Variants in USP28 observed in about 807,000 individuals in gnomAD.
USP28 encodes the protein ubiquitin specific peptidase 28, also known as ubiquitin carboxyl-terminal hydrolase 28.
A neutral mutation model predicts 145.0 loss-of-function variants in USP28; 113 were observed. The ratio of observed to expected loss-of-function variants is 0.78; its 90% CI spans 0.67 to 0.91. The LOEUF is 0.91. Among genes scored for constraint, USP28 ranks in the 40% least tolerant of loss-of-function variants. The probability of loss-of-function intolerance (pLI) is 0.00; values close to 1 mark genes in which losing one functional copy is unlikely to be tolerated. For missense variants in USP28, 1,201 were observed against 1,289.6 expected, an observed-to-expected ratio of 0.93 and a Z score of 1.05; for synonymous variants, 447 against 450.9, an observed-to-expected ratio of 0.99 and a Z score of 0.11.
At chr11:113,817,739 C>G (rs780018967) in exon 13 of USP28, 1 of 1,614,178 alleles carries the variant, frequency 6.2e-7, no homozygotes, top group South Asian at 1.1e-5. Context: ...TTCAGGTGGA[C>G]AGCTTTCTGA....
chr11:113,848,352 T>C (rs1401922061), intron 3 of USP28, among the ~76,000 whole-genome samples: 1 of 152,056 alleles, frequency 6.6e-6, no homozygotes, highest in South Asian at 2.1e-4. Context: ...AAGAGAAAGA[T>C]GATCAACAAT....
intron 5 of USP28, among the ~76,000 whole-genome samples, chr11:113,840,103 A>T (rs1404752774): frequency 6.6e-6 from 1 of 152,208 alleles, no homozygotes; most frequent in African/African-American, 2.4e-5. Flanking sequence ...AAATGGTACT[A>T]TAATCCACCT....
chr11:113,835,153 GGA>G (rs1300272393), intron 5 of USP28: 2 of 410,566 alleles, frequency 4.9e-6, no homozygotes, highest in African/African-American at 4.2e-5. Context: ...TGGTAGAACT[GGA>G]GAGAGGGATT....
intron 3 of USP28, among the ~76,000 whole-genome samples, chr11:113,844,451 GAA>G (rs1018732828): frequency 7.1e-6 from 1 of 141,496 alleles, no homozygotes; most frequent in Non-Finnish European, 1.5e-5. Flanking sequence ...CTTAAAAAAA[GAA>G]AAAAAAAAGA....
intron 1 of USP28, among the ~76,000 whole-genome samples, chr11:113,858,355 A>G (rs1209461957): frequency 6.6e-6 from 1 of 152,046 alleles, no homozygotes; most frequent in East Asian, 1.9e-4. Flanking sequence ...CTGCAAACTC[A>G]TTCTCTCATG....
Position 113,849,451 on chromosome 11 carries a change from C to T in USP28, c.268+3050G>A, listed in dbSNP as rs535557625. On this transcript the variant is annotated intron_variant, in intron 3 of 24. Coordinates refer to ENST00000003302, the Ensembl canonical transcript of USP28. ...TTCTAGCAGTGATGGAAGAATTGAACAGTGATAAAAGCCCGTGTTAGGCTT... is the reference window on the plus strand; with the variant it reads ...TTCTAGCAGTGATGGAAGAATTGAATAGTGATAAAAGCCCGTGTTAGGCTT... Among the ~76,000 whole-genome samples, 5 of 152,274 alleles carry T rather than the reference C, an allele frequency of 3.3e-5. 1 individual carries two copies. In the South Asian group the frequency reaches 1.0e-3, roughly 32 times the overall value.
chr11:113,851,770 G>A (rs1946477904), intron 3 of USP28, among the ~76,000 whole-genome samples: 1 of 147,100 alleles, frequency 6.8e-6, no homozygotes, highest in African/African-American at 2.5e-5. Context: ...GGATGACAGA[G>A]TGAGACTCCA....
At chr11:113,841,815 G>A in intron 3 of USP28, 47 bp from the exon 4 acceptor site, 1 of 1,298,266 alleles carries the variant, frequency 7.7e-7, no homozygotes, top group South Asian at 1.4e-5. Context: ...AGGAAACACT[G>A]CCCTTCTGTA....
At position 113,823,682 on chromosome 11, in the gene USP28, C is replaced by T. The variant is rs773011404; in HGVS notation, c.1206G>A (p.Lys402=). ...ACTCTCTCTTATTTCGAATAAGCTC[C>T]TTGCTCCTGTACATGTACCTAAGTA... Residue 402 remains lysine (K), a synonymous_variant, in exon 12 of 25, where the codon AAG becomes AAA. Transcript: ENST00000003302. 8.7e-6 allele frequency: 14 copies of T among 1,611,390 alleles called. No individual in the cohort carries two copies. The Admixed American group carries it at 1.0e-4, about 12-fold the overall frequency.
intron 11 of USP28, among the ~76,000 whole-genome samples, chr11:113,826,468 C>A (rs1294167485): frequency 6.7e-6 from 1 of 148,608 alleles, no homozygotes; most frequent in Non-Finnish European, 1.5e-5. Flanking sequence ...CACCACTACA[C>A]CCAGCTAATT....
chr11:113,837,648 A>G (rs1944721118), intron 5 of USP28, among the ~76,000 whole-genome samples: 1 of 152,068 alleles, frequency 6.6e-6, no homozygotes, highest in South Asian at 2.1e-4. Context: ...TCTAGCTTTG[A>G]TGCTACGGTC....
intron 3 of USP28, among the ~76,000 whole-genome samples, chr11:113,847,608 T>C (rs1946014535): frequency 6.6e-6 from 1 of 152,136 alleles, no homozygotes; most frequent in Non-Finnish European, 1.5e-5. Context: ...GGGTATTTGA[T>C]GAGATTAAGG....
intron 1 of USP28, among the ~76,000 whole-genome samples, chr11:113,867,785 C>T (rs541841087): frequency 1.2e-5 from 1 of 84,708 alleles, no homozygotes; most frequent in African/African-American, 5.0e-5. Context: ...CATCCCCACA[C>T]AAAAGGAAAG....
intron 12 of USP28, chr11:113,821,071 G>T (rs1336175681): frequency 2.5e-5 from 6 of 239,984 alleles, no homozygotes; most frequent in Non-Finnish European, 5.4e-5. Flanking sequence ...GGATATGGGA[G>T]TTGTCACTGG....
At chr11:113,821,048 G>T in intron 12 of USP28, 3 of 226,546 alleles carry the variant, frequency 1.3e-5, no homozygotes, top group South Asian at 1.4e-4. Flanking sequence ...CTTCCAGTTG[G>T]GGAGGAGAAG....
intron 1 of USP28, chr11:113,859,325 A>G (rs1390952941): frequency 6.6e-6 from 1 of 152,226 alleles, no homozygotes; most frequent in Non-Finnish European, 1.5e-5. Flanking sequence ...GCTATAAAAC[A>G]CATAGCTATT....
Position 113,809,266 on chromosome 11 carries a change from C to T in USP28, c.1973-12G>A. On this transcript the variant is annotated splice_polypyrimidine_tract_variant and intron_variant, in intron 16 of 24. Coordinates refer to ENST00000003302, the Ensembl canonical transcript of USP28. ...AGTTGGGGCTGCCTCTGAGGAAAAG[C>T]AAAGATAGAGTTAAAAGGTCACAAG... The T allele has an allele frequency of 1.2e-6, 2 of 1,609,740 alleles. No individual in the cohort carries two copies. Among genetic ancestry groups the T allele is most frequent in the Non-Finnish European group, 1.7e-6 (2 of 1,177,952 alleles).
chr11:113,846,075 G>A (rs879358627), intron 3 of USP28, among the ~76,000 whole-genome samples: 5 of 152,174 alleles, frequency 3.3e-5, no homozygotes, highest in Admixed American at 3.3e-4. Flanking sequence ...GAAGACATTG[G>A]TAAGTGAAAT....
At chr11:113,828,857 C>T (rs1943667810) in intron 10 of USP28, 1 of 500,956 alleles carries the variant, frequency 2.0e-6, no homozygotes. Context: ...AGGAGTTAAT[C>T]ACTGTACTTT....
Sources: gnomAD v4.1 joint callset for allele counts (sites outside exome capture counted in the v4.1 genomes callset) on GRCh38, gnomAD v4.1.1 for gene constraint, MANE v1.5 for transcripts, NCBI Gene and HGNC (gene_info 2026-07-23, HGNC 2026-07-21) for gene names.